CEP126: variants seen among roughly 807,000 people sequenced by gnomAD.
CEP126 encodes the protein centrosomal protein of 126 kDa.
CEP126 carries 74 observed loss-of-function variants against 107.8 expected under a neutral mutation model. That is an observed-to-expected ratio of 0.69 (90% CI 0.57 to 0.83). The LOEUF (loss-of-function observed/expected upper bound fraction) is 0.83, where lower values mean the gene tolerates loss of function less well. Ranked by LOEUF, CEP126 falls within the 40% of genes least tolerant of loss-of-function variation. The pLI is 0.00. For missense variants in CEP126, 1,237 were observed against 1,281.9 expected, an observed-to-expected ratio of 0.96 and a Z score of 0.53; for synonymous variants, 449 against 446.0, an observed-to-expected ratio of 1.01 and a Z score of -0.08.
intron 1 of CEP126, among the ~76,000 whole-genome samples, chr11:101,915,753 A>G (rs1479971128): frequency 6.6e-6 from 1 of 152,216 alleles, no homozygotes; most frequent in Non-Finnish European, 1.5e-5. Flanking sequence ...TTCCTGATTT[A>G]TCGTACTACT....
rs140184758 is a variant in CEP126 at position 101,917,028 on chromosome 11, A to ATTG, written c.128+1617_128+1618insTGT. ...CAATAGACTTTGATAAAATCCAACA[A>ATTG]TGTGTGTGTGTGTGTGTGTGTGTGT... On this transcript the variant is annotated intron_variant, in intron 1 of 10. Transcript: ENST00000263468. Among the ~76,000 whole-genome samples the ATTG allele has an allele frequency of 3.7e-3, 499 of 136,046 alleles. 5 individuals carry two copies. Among genetic ancestry groups the ATTG allele is most frequent in the African/African-American group, 0.013 (483 of 36,844 alleles). The allele number at this position is 136,046 out of a possible 152,430, so 89.3% of individuals were successfully genotyped here.
intron 4 of CEP126, among the ~76,000 whole-genome samples, chr11:101,953,751 T>A (rs1210002383): frequency 6.6e-6 from 1 of 152,112 alleles, no homozygotes; most frequent in Non-Finnish European, 1.5e-5. Context: ...AACAGTTGGG[T>A]TAAGAGACAA....
chr11:101,975,818 A>C (rs1004697560), intron 6 of CEP126, among the ~76,000 whole-genome samples: 1 of 152,142 alleles, frequency 6.6e-6, no homozygotes, highest in African/African-American at 2.4e-5. Context: ...GCTCCCACTT[A>C]TAAGTGAGAA....
intron 5 of CEP126, among the ~76,000 whole-genome samples, chr11:101,960,165 G>A (rs973546797): frequency 5.5e-5 from 6 of 108,716 alleles, no homozygotes; most frequent in Non-Finnish European, 7.7e-5. Context: ...AAGATAAGAC[G>A]GACCGCTAAA....
chr11:101,920,291 T>G (rs1940302747), intron 1 of CEP126, among the ~76,000 whole-genome samples: 1 of 152,214 alleles, frequency 6.6e-6, no homozygotes, highest in Non-Finnish European at 1.5e-5. Flanking sequence ...ATATTGATGC[T>G]GAAGCACTAT....
chr11:101,922,890 G>T (rs1217554237), intron 2 of CEP126, 130 bp downstream of exon 2: 3 of 711,488 alleles, frequency 4.2e-6, no homozygotes, highest in Non-Finnish European at 6.7e-6. Flanking sequence ...ATCAAGATTT[G>T]TGTGGCTTTG....
intron 6 of CEP126, 143 bp from the exon 7 acceptor site, chr11:101,978,204 G>A: frequency 3.0e-6 from 2 of 656,614 alleles, no homozygotes; most frequent in South Asian, 3.7e-5. Context: ...GCATATAAGA[G>A]GAGCTCAATA....
chr11:101,933,745 A>G (rs947068954), intron 2 of CEP126, among the ~76,000 whole-genome samples: 4 of 151,926 alleles, frequency 2.6e-5, no homozygotes, highest in African/African-American at 7.2e-5. Context: ...ATAAACGCCA[A>G]TCATGTAAAT....
At chr11:101,955,140 A>T (rs1940867432) in intron 4 of CEP126, among the ~76,000 whole-genome samples, 1 of 152,210 alleles carries the variant, frequency 6.6e-6, no homozygotes, top group Admixed American at 6.5e-5. Context: ...AAGCCCTAAG[A>T]TAAATCAGAG....
At chr11:101,960,442 TTCA>T (rs1940956110) in intron 5 of CEP126, among the ~76,000 whole-genome samples, 4 of 152,176 alleles carry the variant, frequency 2.6e-5, no homozygotes, top group Admixed American at 2.0e-4. Context: ...CAGGCCTGAT[TTCA>T]TCATCATTAT....
intron 4 of CEP126, chr11:101,956,301 C>G (rs559729544): frequency 1.1e-4 from 49 of 456,378 alleles, no homozygotes; most frequent in Middle Eastern, 6.5e-4. Context: ...GAACCTCTCC[C>G]TGTTTTGAAG....
At chr11:101,935,240 A>G (rs1057119752) in intron 2 of CEP126, among the ~76,000 whole-genome samples, 2 of 151,990 alleles carry the variant, frequency 1.3e-5, no homozygotes, top group Non-Finnish European at 2.9e-5. Flanking sequence ...ATCTATATAT[A>G]TATTCTGGGT....
At position 101,963,368 on chromosome 11, in the gene CEP126, T is replaced by C; in HGVS notation, c.2333T>C (p.Val778Ala). The C allele has an allele frequency of 6.2e-7, 1 of 1,614,104 alleles. No individual in the cohort carries two copies. Among genetic ancestry groups the C allele is most frequent in the South Asian group, 1.1e-5 (1 of 91,076 alleles). ...ATATGTACAAACAGAAAAGGCGCTG[T>C]CATTCAACCACAGTCTGCAAGCAAA... is the stretch of plus-strand genomic sequence containing the variant. ...GFICTNRKGA[V>A]IQPQSASKVN... The change falls in exon 6 of 11, where the codon GTC becomes GCC. Residue 778 changes from valine to alanine, a missense_variant. Physicochemically the swap from Val to Ala is moderately conservative, Grantham distance 64 (BLOSUM62 0). Around this residue, in one of 3 missense-constraint regions of CEP126, gnomAD observed 1,134 missense variants for 1,150.5 expected, o/e 0.99. Coordinates refer to ENST00000263468, the MANE Select transcript of CEP126 (RefSeq NM_020802.4).
chr11:101,939,341 A>G (rs1940635339), intron 2 of CEP126, among the ~76,000 whole-genome samples: 1 of 152,304 alleles, frequency 6.6e-6, no homozygotes, highest in Non-Finnish European at 1.5e-5. Context: ...TTTTACCTCT[A>G]GTAATACTCC....
At chr11:101,944,523 A>G (rs1940710496) in intron 3 of CEP126, 113 bp downstream of exon 3, 2 of 1,017,254 alleles carry the variant, frequency 2.0e-6, no homozygotes, top group South Asian at 1.7e-5. Context: ...AAAAAGACCA[A>G]TATGACTTTT....
intron 2 of CEP126, among the ~76,000 whole-genome samples, chr11:101,943,989 C>T (rs1009089066): frequency 1.3e-5 from 2 of 152,124 alleles, no homozygotes; most frequent in Admixed American, 6.6e-5. Context: ...GCACAGTTTG[C>T]GAGGTGGGAA....
At chr11:101,985,381 C>G (rs753358358) in intron 8 of CEP126, among the ~76,000 whole-genome samples, 1 of 151,542 alleles carries the variant, frequency 6.6e-6, no homozygotes, top group Non-Finnish European at 1.5e-5. Flanking sequence ...CTCTCAAGTT[C>G]AAGCAATTCT....
In CEP126 at chr11:101,962,839, G is replaced by A. The variant is rs564232051; in HGVS notation, c.1804G>A (p.Gly602Arg). 3 of 1,602,678 alleles carry A rather than the reference G, an allele frequency of 1.9e-6. No homozygotes were observed. The highest frequency in any genetic ancestry group is 1.7e-5 in the Admixed American group (1 of 57,314). Residue 602 changes from glycine to arginine, a missense_variant, in exon 6 of 11, where the codon GGA (glycine) becomes AGA (arginine). Around this residue, in one of 3 missense-constraint regions of CEP126, gnomAD observed 1,134 missense variants for 1,150.5 expected, o/e 0.99. Transcript: ENST00000263468. The part of the protein sequence containing the change: ...ALIINQSFKF[G>R]NQKAAAIRDS... ...AATTATAAATCAGAGCTTTAAGTTT[G>A]GAAATCAAAAAGCAGCAGCTATCAG...
At chr11:101,945,236 G>A (rs1016122928) in intron 3 of CEP126, among the ~76,000 whole-genome samples, 2 of 152,060 alleles carry the variant, frequency 1.3e-5, no homozygotes, top group Admixed American at 6.6e-5. Flanking sequence ...GACTTAAGTC[G>A]GATCTTAACA....
Sources: gnomAD v4.1 joint callset for allele counts (sites outside exome capture counted in the v4.1 genomes callset) on GRCh38, gnomAD v4.1.1 for gene constraint, gnomAD v4.1.1 regional missense constraint, MANE v1.5 for transcripts, NCBI Gene and HGNC (gene_info 2026-07-23, HGNC 2026-07-21) for gene names.